Variants in NUGGC observed in about 807,000 individuals in gnomAD.
NUGGC encodes nuclear GTPase SLIP-GC.
In NUGGC, 58 loss-of-function variants were observed where a neutral mutation model predicts 92.6. The observed-to-expected ratio is 0.63, with a 90% CI of 0.51 to 0.78. The LOEUF is 0.78. Ranked by LOEUF, NUGGC falls within the 30% of genes least tolerant of loss-of-function variation. NUGGC has a pLI of 0.00. For synonymous variants in NUGGC, 376 were observed against 366.4 expected, an observed-to-expected ratio of 1.03 and a Z score of -0.30; for missense variants, 925 against 964.6, an observed-to-expected ratio of 0.96 and a Z score of 0.54.
In NUGGC at chr8:28,068,111, G is replaced by A. The variant is rs181496960; in HGVS notation, c.480+105C>T. 2,447 of 666,078 alleles carry A rather than the reference G, an allele frequency of 3.7e-3. 11 individuals carry two copies. The highest frequency in any genetic ancestry group is 4.4e-3 in the Non-Finnish European group (1,679 of 381,382). 41.3% of individuals were successfully genotyped at this position (666,078 alleles called of 1,614,324 possible). The stretch of plus-strand genomic sequence containing the variant: ...AAGAAGGAAAGAAGGGAGAGAGGGA[G>A]GGAAGAGGAAGGAAGGAAGAAAGAA... On this transcript the variant is annotated intron_variant, in intron 5 of 18. Coordinates refer to ENST00000413272, the MANE Select transcript of NUGGC (RefSeq NM_001010906.2).
chr8:28,045,465 T>G lies in NUGGC; in HGVS notation c.1446+62A>C, dbSNP rs985602272. On this transcript the variant is annotated intron_variant, in intron 12 of 18. Transcript: ENST00000413272. Reference sequence around the variant, plus strand: ...AATATCATAAGTTAATTTTCTAACTTGGTAAAAGGAAATGTCCTGCCCAGG... The same window carrying G: ...AATATCATAAGTTAATTTTCTAACTGGGTAAAAGGAAATGTCCTGCCCAGG... 129 of 1,499,252 alleles carry G rather than the reference T, an allele frequency of 8.6e-5. 1 individual carries two copies. The highest frequency in any genetic ancestry group is 3.3e-4 in the South Asian group (26 of 79,750). The allele number at this position is 1,499,252 out of a possible 1,614,324, so 92.9% of individuals were successfully genotyped here. A position where few individuals can be genotyped will look rare whatever the true frequency, so the allele number is the denominator to read the frequency against.
rs1585587277 is a variant in NUGGC, at chr8:28,060,352, A to G, written c.1097+74T>C. 5.0e-6 allele frequency: 7 copies of G among 1,404,546 alleles called. No homozygotes were observed. In the East Asian group the frequency reaches 1.6e-4, roughly 33 times the overall value. The allele number at this position is 1,404,546 out of a possible 1,614,324, so 87.0% of individuals were successfully genotyped here. On this transcript the variant is annotated intron_variant, in intron 8 of 18. Transcript: ENST00000413272. ...TAACCACGTTACAAAGTCAAGCTCC[A>G]TGCTACTGTAGTCAGGACCCACAGA...
rs200760269 is a variant in NUGGC at position 28,045,528 on chromosome 8, G to A, written c.1445C>T (p.Pro482Leu). The A allele has an allele frequency of 1.3e-4, 211 of 1,611,454 alleles. No homozygotes were observed. The highest frequency in any genetic ancestry group is 7.7e-4 in the African/African-American group (58 of 74,932). ...ATGAAAACCCAGTGTCTTCCATACC[G>A]GCAGGTTTTGCGTGGAGTTGAAACT... is the stretch of plus-strand genomic sequence containing the variant. Reference protein sequence around the residue: ...TDSFNSTQNLPNEHLHMSVLR... With the variant: ...TDSFNSTQNLLNEHLHMSVLR... The change falls in exon 12 of 19, where the codon CCG (proline) becomes CTG (leucine). Residue 482 changes from proline to leucine, a missense_variant and splice_region_variant. Pro to Leu is a moderately conservative substitution (Grantham distance 98, BLOSUM62 -3). Transcript: ENST00000413272.
chr8:28,037,347 C>A (rs773560575), intron 13 of NUGGC, among the ~76,000 whole-genome samples: 2 of 152,166 alleles, frequency 1.3e-5, no homozygotes, highest in African/African-American at 2.4e-5. Context: ...ACTTGCACTG[C>A]AGTTAGATGG....
At position 28,053,457 on chromosome 8, in the gene NUGGC, G is replaced by A. The variant is rs187105941; in HGVS notation, c.1206+2508C>T. Among the ~76,000 whole-genome samples, 9 of 151,960 alleles carry A rather than the reference G, an allele frequency of 5.9e-5. No individual in the cohort carries two copies. In the East Asian group the frequency reaches 1.7e-3, roughly 29 times the overall value. ...GTTATCATTGTGCCACTACACTCCA[G>A]CCTGGCTAACAGAGTGAGACCCATC... On this transcript the variant is annotated intron_variant, in intron 10 of 18. Coordinates refer to ENST00000413272, the MANE Select transcript of NUGGC (RefSeq NM_001010906.2).
intron 12 of NUGGC, 24 bp from the exon 13 acceptor site, chr8:28,041,239 A>G (rs1490221797): frequency 6.3e-7 from 1 of 1,596,020 alleles, no homozygotes. Context: ...CCATAAAAGA[A>G]TCAGGCCACC....
At position 28,026,993 on chromosome 8, in the gene NUGGC, G is replaced by A; in HGVS notation, c.2214C>T (p.Ser738=). The A allele has an allele frequency of 8.1e-6, 13 of 1,613,734 alleles. No individual in the cohort carries two copies. Among genetic ancestry groups the A allele is most frequent in the Non-Finnish European group, 1.1e-5 (13 of 1,179,682 alleles). The change falls in exon 18 of 19, where the codon TCC becomes TCT. Residue 738 remains serine, a synonymous_variant. Transcript: ENST00000413272. ...GCTCCTTGTAGAGGCCATCCCCCTG[G>A]GACGAAGCAAGGGCCAGCATAGTGG... ...SITTMLALAS[S]QGDGLYKELA... is the part of the protein sequence containing the mutation.
intron 13 of NUGGC, among the ~76,000 whole-genome samples, chr8:28,035,023 T>A (rs1809519535): frequency 6.6e-6 from 1 of 152,214 alleles, no homozygotes; most frequent in Non-Finnish European, 1.5e-5. Context: ...ACCTTGGGCA[T>A]GTTTGTAGTC....
At chr8:28,044,240 C>T (rs199929251) in intron 12 of NUGGC, among the ~76,000 whole-genome samples, 10 of 152,250 alleles carry the variant, frequency 6.6e-5, no homozygotes, top group African/African-American at 1.4e-4. Flanking sequence ...TTCCCTGTTC[C>T]GGCATAACAA....
chr8:28,036,641 C>T (rs1421497034), intron 13 of NUGGC, among the ~76,000 whole-genome samples: 3 of 152,230 alleles, frequency 2.0e-5, no homozygotes, highest in African/African-American at 7.2e-5. Context: ...TTTGCTTTCT[C>T]TTGGATGCGA....
intron 2 of NUGGC, among the ~76,000 whole-genome samples, chr8:28,071,942 G>A (rs974899083): frequency 6.6e-6 from 1 of 152,138 alleles, no homozygotes; most frequent in Non-Finnish European, 1.5e-5. Context: ...GAAATGTCAC[G>A]TGGCATCCAA....
At chr8:28,070,770 A>C (rs1810571800) in intron 2 of NUGGC, among the ~76,000 whole-genome samples, 1 of 151,048 alleles carries the variant, frequency 6.6e-6, no homozygotes, top group Admixed American at 6.6e-5. Flanking sequence ...AAATTTTTGT[A>C]GAGACAGTGT....
intron 8 of NUGGC, 55 bp downstream of exon 8, chr8:28,060,371 C>T: frequency 6.5e-7 from 1 of 1,537,868 alleles, no homozygotes; most frequent in Admixed American, 1.7e-5. Context: ...TAGTCAGGAC[C>T]CACAGAGGAA....
chr8:28,062,995 C>T (rs533066789), intron 7 of NUGGC, among the ~76,000 whole-genome samples: 1 of 152,082 alleles, frequency 6.6e-6, no homozygotes, highest in South Asian at 2.1e-4. Flanking sequence ...TCTCCCCAGG[C>T]CCCCGCTATG....
intron 5 of NUGGC, 82 bp from the exon 6 acceptor site, chr8:28,067,826 T>C (rs1810480609): frequency 1.9e-6 from 2 of 1,079,156 alleles, no homozygotes; most frequent in Non-Finnish European, 2.8e-6. Flanking sequence ...TTGCCCCCTG[T>C]GGAGGGCCAG....
At chr8:28,047,684 C>A in intron 10 of NUGGC, 72 bp from the exon 11 acceptor site, 2 of 887,240 alleles carry the variant, frequency 2.3e-6, no homozygotes, top group Non-Finnish European at 3.5e-6. Context: ...ACAGGACCCA[C>A]AAGAGCCTTC....
chr8:28,080,521 A>G (rs1350492228), intron 1 of NUGGC, among the ~76,000 whole-genome samples: 1 of 152,150 alleles, frequency 6.6e-6, no homozygotes, highest in African/African-American at 2.4e-5. Flanking sequence ...TCAAAGGGGC[A>G]TTTTGGTCAT....
intron 7 of NUGGC, among the ~76,000 whole-genome samples, chr8:28,064,066 C>T (rs1258318345): frequency 6.6e-6 from 1 of 152,196 alleles, no homozygotes; most frequent in African/African-American, 2.4e-5. Context: ...TGCTCCTTCT[C>T]CCATTCACCC....
intron 12 of NUGGC, among the ~76,000 whole-genome samples, chr8:28,042,749 A>T (rs944059946): frequency 6.6e-6 from 1 of 152,210 alleles, no homozygotes; most frequent in African/African-American, 2.4e-5. Context: ...CAAAACCCAT[A>T]GACATTTGTG....
Sources: allele counts gnomAD v4.1 joint callset (sites outside exome capture counted in the v4.1 genomes callset), GRCh38; gene constraint gnomAD v4.1.1; transcripts MANE v1.5; gene names NCBI Gene and HGNC (gene_info 2026-07-23, HGNC 2026-07-21).